The following PTPRD variants were observed in gnomAD, a reference collection of about 807,000 sequenced individuals.
The protein encoded by PTPRD is protein tyrosine phosphatase receptor type D.
A neutral mutation model predicts 214.5 loss-of-function variants in PTPRD; 34 were observed. The ratio of observed to expected loss-of-function variants is 0.16; its 90% CI spans 0.12 to 0.21. The LOEUF (loss-of-function observed/expected upper bound fraction) is 0.21, where lower values mean the gene tolerates loss of function less well. Among genes scored for constraint, PTPRD ranks in the 10% least tolerant of loss-of-function variants. The pLI is 1.00. For missense variants in PTPRD, 2,545 were observed against 2,398.7 expected, an observed-to-expected ratio of 1.06 and a Z score of -1.27; for synonymous variants, 1,128 against 845.7, an observed-to-expected ratio of 1.33 and a Z score of -5.79.
chr9:9,644,121 T>C (rs2096065649), intron 7 of PTPRD, among the ~76,000 whole-genome samples: 1 of 152,202 alleles, frequency 6.6e-6, no homozygotes, highest in Non-Finnish European at 1.5e-5. Flanking sequence ...CAAAAGTGTT[T>C]TTGGTAATTA....
intron 11 of PTPRD, among the ~76,000 whole-genome samples, chr9:9,016,761 C>G (rs2099537112): frequency 6.6e-6 from 1 of 152,126 alleles, no homozygotes; most frequent in African/African-American, 2.4e-5. Context: ...AGCTAGAACC[C>G]AAGACTCCCC....
chr9:9,373,275 A>C (rs1374403249), intron 9 of PTPRD, among the ~76,000 whole-genome samples: 1 of 152,062 alleles, frequency 6.6e-6, no homozygotes, highest in Non-Finnish European at 1.5e-5. Flanking sequence ...AATCCTGCTA[A>C]ATTTGGTGAG....
chr9:9,952,433 A>G (rs774579886), intron 4 of PTPRD, among the ~76,000 whole-genome samples: 1 of 152,200 alleles, frequency 6.6e-6, no homozygotes, highest in African/African-American at 2.4e-5. Flanking sequence ...AGATGTAGGT[A>G]TAACAAACAA....
At chr9:8,460,254 T>C (rs769335575) in intron 33 of PTPRD, 157 bp downstream of exon 33, 6 of 895,392 alleles carry the variant, frequency 6.7e-6, no homozygotes, top group African/African-American at 3.3e-5. Context: ...CTTTACATTT[T>C]GATCTTACTG....
chr9:10,305,717 A>G (rs2154411165), intron 3 of PTPRD, among the ~76,000 whole-genome samples: 1 of 152,264 alleles, frequency 6.6e-6, no homozygotes, highest in South Asian at 2.1e-4. Flanking sequence ...CAAAACTACA[A>G]TGAGATACCT....
intron 11 of PTPRD, among the ~76,000 whole-genome samples, chr9:8,878,128 C>G (rs1467379324): frequency 1.3e-5 from 2 of 152,130 alleles, no homozygotes; most frequent in Admixed American, 6.6e-5. Context: ...GTTTACATTG[C>G]CAGATATTAC....
intron 3 of PTPRD, among the ~76,000 whole-genome samples, chr9:10,142,090 G>T (rs1415315806): frequency 2.6e-5 from 4 of 151,980 alleles, no homozygotes. Flanking sequence ...GCTGAAACTG[G>T]ATCCCTTCCT....
intron 3 of PTPRD, among the ~76,000 whole-genome samples, chr9:10,051,076 A>T (rs994400630): frequency 9.9e-5 from 15 of 152,170 alleles, no homozygotes; most frequent in African/African-American, 3.4e-4. Flanking sequence ...TGACACCCAC[A>T]TAAAAAAGAA....
At chr9:10,365,601 G>C (rs925613934) in intron 2 of PTPRD, among the ~76,000 whole-genome samples, 2 of 152,064 alleles carry the variant, frequency 1.3e-5, no homozygotes, top group African/African-American at 2.4e-5. Context: ...AGACACTCCA[G>C]ATTATCGACT....
chr9:9,616,055 T>G (rs897498262), intron 7 of PTPRD, among the ~76,000 whole-genome samples: 3 of 152,186 alleles, frequency 2.0e-5, no homozygotes, highest in Non-Finnish European at 2.9e-5. Context: ...TAGCCTGTAG[T>G]GCTTATATAG....
At chr9:10,301,740 G>A (rs1014538832) in intron 3 of PTPRD, among the ~76,000 whole-genome samples, 7 of 152,002 alleles carry the variant, frequency 4.6e-5, no homozygotes, top group African/African-American at 1.7e-4. Context: ...GAAAAGAAAT[G>A]AACAAAGACT....
intron 7 of PTPRD, among the ~76,000 whole-genome samples, chr9:9,666,882 C>T (rs917677935): frequency 1.3e-5 from 2 of 151,940 alleles, no homozygotes; most frequent in African/African-American, 2.4e-5. Context: ...TGCTTTACCT[C>T]GCTTTTTATG....
chr9:9,423,519 T>C (rs541976927), intron 8 of PTPRD, among the ~76,000 whole-genome samples: 1 of 152,218 alleles, frequency 6.6e-6, no homozygotes, highest in Non-Finnish European at 1.5e-5. Flanking sequence ...GAGAATTAAA[T>C]GCAATATCAC....
chr9:9,560,909 T>G lies in PTPRD; in HGVS notation c.-237+13823A>C, dbSNP rs563761744. Among the ~76,000 whole-genome samples the G allele has an allele frequency of 2.0e-5, 3 of 152,208 alleles. No homozygotes were observed. The South Asian group carries it at 6.2e-4, about 32-fold the overall frequency. On this transcript the variant is annotated intron_variant, in intron 8 of 45. Coordinates refer to ENST00000381196, the MANE Select transcript of PTPRD (RefSeq NM_002839.4). Reference sequence around the variant, plus strand: ...TCATGGTCAGTAGCTTAACTCTTTCTCTTTCTGGGCACGAGCAAGCCGAGC... The same window carrying G: ...TCATGGTCAGTAGCTTAACTCTTTCGCTTTCTGGGCACGAGCAAGCCGAGC...
At position 8,716,041 on chromosome 9, in the gene PTPRD, C is replaced by T. The variant is rs111601965; in HGVS notation, c.64+17739G>A. 7.7e-3 allele frequency among the ~76,000 whole-genome samples: 1,168 copies of T among 152,330 alleles called. 13 individuals are homozygous for T. Among genetic ancestry groups the T allele is most frequent in the African/African-American group, 0.026 (1,096 of 41,580 alleles). On this transcript the variant is annotated intron_variant, in intron 12 of 45. Transcript: ENST00000381196. Reference sequence around the variant, plus strand: ...TAGCCTTAACAGGTCTGTGGCTTCACATTGGGTAGCCACAGCAGTCCCTAA... The same window carrying T: ...TAGCCTTAACAGGTCTGTGGCTTCATATTGGGTAGCCACAGCAGTCCCTAA...
At chr9:8,339,470 G>A (rs761149911) in intron 42 of PTPRD, among the ~76,000 whole-genome samples, 62 of 152,044 alleles carry the variant, frequency 4.1e-4, no homozygotes, top group African/African-American at 1.4e-3. Flanking sequence ...CCATCAGTAT[G>A]GACATAGAAA....
chr9:9,331,426 A>G (rs945318557), intron 9 of PTPRD, among the ~76,000 whole-genome samples: 3 of 152,112 alleles, frequency 2.0e-5, no homozygotes, highest in Non-Finnish European at 4.4e-5. Flanking sequence ...ATAGAGAGAC[A>G]TTGGATTATC....
chr9:8,763,244 G>A (rs1017549956), intron 11 of PTPRD, among the ~76,000 whole-genome samples: 8 of 152,154 alleles, frequency 5.3e-5, no homozygotes, highest in Non-Finnish European at 5.9e-5. Flanking sequence ...AGGGATAGTG[G>A]CTCATGCCTG....
intron 3 of PTPRD, among the ~76,000 whole-genome samples, chr9:10,314,202 A>G (rs1387442195): frequency 6.6e-6 from 1 of 151,946 alleles, no homozygotes; most frequent in Non-Finnish European, 1.5e-5. Flanking sequence ...ATGCATTTGT[A>G]TGGGAAAGGA....
Sources: gnomAD v4.1 joint callset for allele counts (sites outside exome capture counted in the v4.1 genomes callset) on GRCh38, gnomAD v4.1.1 for gene constraint, MANE v1.5 for transcripts, NCBI Gene and HGNC (gene_info 2026-07-23, HGNC 2026-07-21) for gene names.